Variants in CYP51A1 observed in about 807,000 individuals in gnomAD.
CYP51A1 encodes the protein lanosterol 14-alpha demethylase.
A neutral mutation model predicts 53.5 loss-of-function variants in CYP51A1; 45 were observed. That is an observed-to-expected ratio of 0.84 (90% CI 0.66 to 1.08). CYP51A1 has a LOEUF of 1.08. CYP51A1 is among the 50% of genes least tolerant of loss of function. CYP51A1 has a pLI of 0.00. For missense variants in CYP51A1, 462 were observed against 621.7 expected, an observed-to-expected ratio of 0.74 and a Z score of 2.73; for synonymous variants, 181 against 217.7, an observed-to-expected ratio of 0.83 and a Z score of 1.48.
intron 4 of CYP51A1, among the ~76,000 whole-genome samples, chr7:92,127,050 T>C (rs949943545): frequency 6.6e-6 from 1 of 152,246 alleles, no homozygotes; most frequent in African/African-American, 2.4e-5. Flanking sequence ...TATCAGTAAA[T>C]ATTCTGGATT....
Position 92,113,747 on chromosome 7 carries a change from C to T in CYP51A1, c.1448G>A (p.Gly483Glu). The change falls in exon 10 of 10, where the codon GGA (glycine) becomes GAA (glutamate). Residue 483 changes from glycine to glutamate, a missense_variant. Transcript: ENST00000003100. ...LRLYEFDLID[G>E]YFPTVNYTTM... ...TGTATAATTCACAGTGGGAAAGTAT[C>T]CATCAATGAGATCAAATTCATATAA... 6.2e-7 allele frequency: 1 copy of T among 1,612,820 alleles called. No homozygotes were observed.
At chr7:92,134,582 C>A, upstream of CYP51A1, 1 of 539,252 alleles carries the variant, frequency 1.9e-6, no homozygotes, top group Non-Finnish European at 3.2e-6. Flanking sequence ...TCTGTGAAGC[C>A]GTGGTCTTCT....
intron 6 of CYP51A1, 83 bp from the exon 7 acceptor site, chr7:92,123,398 A>T (rs1819730926): frequency 1.7e-6 from 2 of 1,190,706 alleles, no homozygotes; most frequent in African/African-American, 3.1e-5. Flanking sequence ...TGTCATAATG[A>T]ATACATTTTT....
Position 92,129,057 on chromosome 7 carries a change from C to CTT in CYP51A1, c.292-2_292-1insAA. On this transcript the variant is annotated splice_acceptor_variant, in intron 2 of 9. Transcript: ENST00000003100. LOFTEE classifies it high-confidence loss of function. ...TGGTAAAACTAAATACAGGTCCATA[C>CTT]TAAAAAGAGAAAAGTACATATAGTG... 1 of 1,603,684 alleles carries CTT rather than the reference C, an allele frequency of 6.2e-7. No homozygotes were observed. The highest frequency in any genetic ancestry group is 1.1e-5 in the South Asian group (1 of 89,478).
chr7:92,116,180 G>A (rs146692313), intron 9 of CYP51A1, among the ~76,000 whole-genome samples: 23 of 152,280 alleles, frequency 1.5e-4, no homozygotes, highest in African/African-American at 4.8e-4. Flanking sequence ...GCTAAGGCAC[G>A]AGAATTACTT....
chr7:92,121,087 C>G (rs748345017), intron 7 of CYP51A1, among the ~76,000 whole-genome samples: 2 of 152,054 alleles, frequency 1.3e-5, no homozygotes, highest in Non-Finnish European at 2.9e-5. Context: ...GTCAGGAGTT[C>G]AAGACCAGCC....
chr7:92,118,015 T>C (rs572772813), intron 8 of CYP51A1, among the ~76,000 whole-genome samples: 29 of 151,712 alleles, frequency 1.9e-4, no homozygotes, highest in African/African-American at 6.5e-4. Flanking sequence ...GATTAGCACG[T>C]ATACTATCTA....
In CYP51A1 at chr7:92,126,447, T is replaced by C. The variant is rs1396138180; in HGVS notation, c.596-20A>G. On this transcript the variant is annotated intron_variant, in intron 4 of 9. Coordinates refer to ENST00000003100, the MANE Select transcript of CYP51A1 (RefSeq NM_000786.4). ...ACACATCTAGGGAGAAAAAAAAGAT[T>C]ATTCTCATTACTATTTCCAAAAAGT... 6.4e-7 allele frequency: 1 copy of C among 1,567,994 alleles called. No individual in the cohort carries two copies. Among genetic ancestry groups the C allele is most frequent in the African/African-American group, 1.4e-5 (1 of 72,438 alleles).
At position 92,134,431 on chromosome 7, in the gene CYP51A1, G is replaced by A. The variant is rs1392733837; in HGVS notation, c.-67C>T. On this transcript the variant is annotated 5_prime_UTR_variant, in exon 1 of 10. Transcript: ENST00000003100. ...CCTCCCAATCGACGGAACGAGAGAA[G>A]CTGGCAGATGGTCGTCCACAGGGGG... The A allele has an allele frequency of 1.4e-6, 2 of 1,457,822 alleles. No individual in the cohort carries two copies. 90.3% of individuals were successfully genotyped at this position (1,457,822 alleles called of 1,614,324 possible). A position where few individuals can be genotyped will look rare whatever the true frequency, so the allele number is the denominator to read the frequency against.
At position 92,113,560 on chromosome 7, in the gene CYP51A1, TAA is replaced by T; in HGVS notation, c.*103_*104del. ...AAACTGGCTTTTAGAATTACACACT[TAA>T]AAAAACAGTAAACTACAAGAGTTGT... is the stretch of plus-strand genomic sequence containing the variant. On this transcript the variant is annotated 3_prime_UTR_variant, in exon 10 of 10. Coordinates refer to ENST00000003100, the MANE Select transcript of CYP51A1 (RefSeq NM_000786.4). 9.0e-7 allele frequency: 1 copy of T among 1,109,110 alleles called. No individual in the cohort carries two copies. The highest frequency in any genetic ancestry group is 1.3e-6 in the Non-Finnish European group (1 of 766,158). 68.7% of individuals were successfully genotyped at this position (1,109,110 alleles called of 1,614,324 possible). A position where few individuals can be genotyped will look rare whatever the true frequency, so the allele number is the denominator to read the frequency against.
At chr7:92,133,510 G>T (rs1255154350) in intron 1 of CYP51A1, among the ~76,000 whole-genome samples, 1 of 152,120 alleles carries the variant, frequency 6.6e-6, no homozygotes, top group East Asian at 1.9e-4. Flanking sequence ...CAGGTGATCC[G>T]CCCGCTTCGG....
At chr7:92,122,846 C>CAG (rs1352648784) in intron 7 of CYP51A1, among the ~76,000 whole-genome samples, 3 of 152,302 alleles carry the variant, frequency 2.0e-5, no homozygotes, top group East Asian at 3.9e-4. Context: ...CCTCTATGTA[C>CAG]AGAAGCCAGA....
chr7:92,118,509 A>G lies in CYP51A1; in HGVS notation c.1182+11T>C, dbSNP rs747338686. ...GGGGTATAGAGGGGAAGATGTAGCC[A>G]AGATACTCACCTGAGGAGTTCTGGC... On this transcript the variant is annotated intron_variant, in intron 8 of 9. Transcript: ENST00000003100. 6 of 1,455,398 alleles carry G rather than the reference A, an allele frequency of 4.1e-6. No homozygotes were observed. Among genetic ancestry groups the G allele is most frequent in the Admixed American group, 3.3e-5 (2 of 59,840 alleles). 90.2% of individuals were successfully genotyped at this position (1,455,398 alleles called of 1,614,324 possible).
In CYP51A1 at chr7:92,112,828, C is replaced by CAAAAAAAA. The variant is rs879010642; in HGVS notation, c.*829_*836dup. 1 of 47,152 alleles carries CAAAAAAAA rather than the reference C, an allele frequency of 2.1e-5. No individual in the cohort carries two copies. The highest frequency in any genetic ancestry group is 4.3e-5 in the Non-Finnish European group (1 of 23,144). The allele number at this position is 47,152 out of a possible 1,614,324, so 2.9% of individuals were successfully genotyped here. ...TGGGCAACAGAGCGAGACTCCATCT[C>CAAAAAAAA]AAAAAAAAAAAAAAAAAAAGGAAGC... On this transcript the variant is annotated 3_prime_UTR_variant, in exon 10 of 10. Coordinates refer to ENST00000003100, the MANE Select transcript of CYP51A1 (RefSeq NM_000786.4).
intron 4 of CYP51A1, 101 bp downstream of exon 4, chr7:92,127,404 A>G: frequency 9.2e-7 from 1 of 1,086,878 alleles, no homozygotes; most frequent in Non-Finnish European, 1.3e-6. Flanking sequence ...AGTTTTACAT[A>G]CACTGTAATT....
chr7:92,123,085 A>G (rs1240831566), intron 7 of CYP51A1, 35 bp downstream of exon 7: 6 of 1,538,488 alleles, frequency 3.9e-6, no homozygotes, highest in Non-Finnish European at 5.4e-6. Flanking sequence ...CCTCAAAGTC[A>G]TAAGGCAGCA....
At chr7:92,120,107 T>C (rs7785043) in intron 7 of CYP51A1, among the ~76,000 whole-genome samples, 4,243 of 152,190 alleles carry the variant, frequency 0.028, 192 homozygotes, top group African/African-American at 0.097. Context: ...CTATAAAACA[T>C]TGTTGAAAGA....
intron 5 of CYP51A1, among the ~76,000 whole-genome samples, chr7:92,125,280 T>G (rs546291260): frequency 6.6e-6 from 1 of 152,188 alleles, no homozygotes; most frequent in South Asian, 2.1e-4. Flanking sequence ...TAAGGTATGA[T>G]GAGTTCCAGA....
intron 4 of CYP51A1, 104 bp downstream of exon 4, chr7:92,127,401 C>T: frequency 9.4e-7 from 1 of 1,064,386 alleles, no homozygotes; most frequent in Non-Finnish European, 1.3e-6. Flanking sequence ...GGTAGTTTTA[C>T]ATACACTGTA....
Sources: gnomAD v4.1 joint callset for allele counts (sites outside exome capture counted in the v4.1 genomes callset) on GRCh38, gnomAD v4.1.1 for gene constraint, MANE v1.5 for transcripts, NCBI Gene and HGNC (gene_info 2026-07-23, HGNC 2026-07-21) for gene names.